FGF13: variants seen among roughly 807,000 people sequenced by gnomAD.
FGF13 encodes fibroblast growth factor 13.
FGF13 carries 2 observed loss-of-function variants against 19.5 expected under a neutral mutation model. The observed-to-expected ratio is 0.10, with a 90% CI of 0.04 to 0.32. The LOEUF (loss-of-function observed/expected upper bound fraction) is 0.32. Among genes scored for constraint, FGF13 ranks in the 10% least tolerant of loss-of-function variants. The pLI is 1.00. For synonymous variants in FGF13, 72 were observed against 76.9 expected (o/e 0.94, Z 0.33); for missense variants, 113 against 192.7 (o/e 0.59, Z 2.45).
chrX:138,656,661 T>C (rs1209017527), intron 3 of FGF13, among the ~76,000 whole-genome samples: 1 of 111,820 alleles, frequency 8.9e-6, no homozygotes, highest in African/African-American at 3.2e-5. Flanking sequence ...ACTAGAAGCA[T>C]ATGGGTTTAA....
At position 138,684,511 on chromosome X, in the gene FGF13, A is replaced by G. The variant is rs192042326; in HGVS notation, c.402+18473T>C. Among the ~76,000 whole-genome samples, 64 of 111,635 alleles carry G rather than the reference A, an allele frequency of 5.7e-4. No homozygotes were observed. In the East Asian group the frequency reaches 0.013, roughly 23 times the overall value. On this transcript the variant is annotated intron_variant, in intron 3 of 4. Transcript: ENST00000315930. ...AATATTGGTAAAATATTTACTTGGTATTTAGTAATGAATTTGGTATGGTGG... is the reference window on the plus strand; with the variant it reads ...AATATTGGTAAAATATTTACTTGGTGTTTAGTAATGAATTTGGTATGGTGG...
intron 3 of FGF13, among the ~76,000 whole-genome samples, chrX:138,810,120 G>A (rs2090909574): frequency 8.9e-6 from 1 of 111,805 alleles, no homozygotes; most frequent in African/African-American, 3.3e-5. Flanking sequence ...AGACAAAAAA[G>A]AGCCTGCATT....
chrX:139,122,224 G>T (rs759875327), intron 1 of FGF13, among the ~76,000 whole-genome samples: 1 of 112,103 alleles, frequency 8.9e-6, no homozygotes, highest in Admixed American at 9.5e-5. Flanking sequence ...GAAAATAAAA[G>T]ACAGGATTAA....
rs2089009109 is a variant in FGF13, at chrX:138,620,777, T to A, written c.*12073A>T. The A allele has an allele frequency of 9.0e-6, 1 of 110,805 alleles. No homozygotes were observed. Among genetic ancestry groups the A allele is most frequent in the Non-Finnish European group, 1.9e-5 (1 of 52,854 alleles). The allele number at this position is 110,805 out of a possible 1,213,427, so 9.1% of individuals were successfully genotyped here. On this transcript the variant is annotated 3_prime_UTR_variant, in exon 5 of 5. Coordinates refer to ENST00000315930, the MANE Select transcript of FGF13 (RefSeq NM_004114.5). ...TGCAAGGACACGTATAAACTGAAAG[T>A]GAAGAGATTAAAAAGATATTGCATG...
intron 1 of FGF13, among the ~76,000 whole-genome samples, chrX:138,732,502 G>A (rs943070824): frequency 9.0e-6 from 1 of 111,280 alleles, no homozygotes; most frequent in African/African-American, 3.3e-5. Flanking sequence ...AGCACAAAAT[G>A]TAATGCTTCC....
intron 1 of FGF13, among the ~76,000 whole-genome samples, chrX:138,969,911 GA>G (rs1173477262): frequency 8.9e-6 from 1 of 111,903 alleles, no homozygotes; most frequent in East Asian, 2.8e-4. Flanking sequence ...AGCTGTGCAT[GA>G]AAATGGCAAC....
chrX:139,101,563 T>G (rs1226965817), intron 1 of FGF13, among the ~76,000 whole-genome samples: 1 of 112,336 alleles, frequency 8.9e-6, no homozygotes, highest in Non-Finnish European at 1.9e-5. Flanking sequence ...ACTATCATAC[T>G]TGGAAAATAA....
At chrX:138,968,387 G>A (rs184629990) in intron 1 of FGF13, among the ~76,000 whole-genome samples, 5 of 111,920 alleles carry the variant, frequency 4.5e-5, no homozygotes, top group African/African-American at 1.6e-4. Flanking sequence ...TCCAAACCAA[G>A]GAGAAATGAA....
intron 1 of FGF13, among the ~76,000 whole-genome samples, chrX:139,026,124 T>C (rs2092199836): frequency 1.8e-5 from 2 of 111,267 alleles, no homozygotes; most frequent in Non-Finnish European, 3.8e-5. Flanking sequence ...ACCACTTCAC[T>C]GGTGAAATGT....
At chrX:139,057,104 G>C (rs1455206917) in intron 1 of FGF13, among the ~76,000 whole-genome samples, 2 of 111,384 alleles carry the variant, frequency 1.8e-5, no homozygotes, top group African/African-American at 6.5e-5. Context: ...GACCTCTAAT[G>C]CCCTCCCAGA....
At chrX:139,045,203 G>A (rs2092283183) in intron 1 of FGF13, among the ~76,000 whole-genome samples, 1 of 112,041 alleles carries the variant, frequency 8.9e-6, no homozygotes, top group South Asian at 3.7e-4. Context: ...ACTGTACCTG[G>A]GCCCCTTTGA....
At chrX:139,146,426 T>G (rs1252466827) in intron 1 of FGF13, among the ~76,000 whole-genome samples, 2 of 112,001 alleles carry the variant, frequency 1.8e-5, no homozygotes, top group African/African-American at 6.5e-5. Flanking sequence ...TGAGATACCA[T>G]CTCACACCAG....
chrX:138,815,427 C>A (rs995401224), intron 3 of FGF13, among the ~76,000 whole-genome samples: 2 of 110,310 alleles, frequency 1.8e-5, no homozygotes, highest in Non-Finnish European at 3.8e-5. Flanking sequence ...AAATGTCACA[C>A]CGTACATTGT....
intron 1 of FGF13, among the ~76,000 whole-genome samples, chrX:138,892,002 A>ATATATGTGTGTGTGTGTGTGTGTGTGTG (rs756839627): frequency 4.5e-4 from 41 of 90,382 alleles, no homozygotes; most frequent in African/African-American, 1.7e-3. Flanking sequence ...ATATATACAT[A>ATATATGTGTGTGTGTGTGTGTGTGTGTG]TGTGTGTGTG....
At chrX:138,709,648 CTTAA>C (rs768989729) in intron 1 of FGF13, among the ~76,000 whole-genome samples, 11 of 111,941 alleles carry the variant, frequency 9.8e-5, no homozygotes, top group Admixed American at 2.8e-4. Flanking sequence ...AATATGAGTT[CTTAA>C]TTAAAATGAT....
rs2090046891 is a variant in FGF13, at chrX:138,711,391, T to C, written c.-388A>G. The C allele has an allele frequency of 6.8e-6, 3 of 440,731 alleles. No homozygotes were observed. Among genetic ancestry groups the C allele is most frequent in the Non-Finnish European group, 7.5e-6 (3 of 399,552 alleles). The allele number at this position is 440,731 out of a possible 1,213,427, so 36.3% of individuals were successfully genotyped here. A position where few individuals can be genotyped will look rare whatever the true frequency, so the allele number is the denominator to read the frequency against. On this transcript the variant is annotated 5_prime_UTR_variant, in exon 1 of 5. Coordinates refer to ENST00000315930, the MANE Select transcript of FGF13 (RefSeq NM_004114.5). ...CGAATTTCGCCGGACCCCCTCGCCC[T>C]GTTGCCCTTCTGATGGGGGCCAGAG...
At chrX:139,110,687 G>C (rs1054617948) in intron 1 of FGF13, among the ~76,000 whole-genome samples, 11 of 112,113 alleles carry the variant, frequency 9.8e-5, no homozygotes, top group Admixed American at 1.9e-4. Flanking sequence ...CAAGAGTAAG[G>C]CAAAGATTAT....
At position 138,615,089 on chromosome X, in the gene FGF13, C is replaced by T. The variant is rs186572039; in HGVS notation, c.*17761G>A. ...ATAGCACAAGGGATCTTAGTGGTGACGGAACAGTTCCATATCTTGATCATT... is the reference window on the plus strand; with the variant it reads ...ATAGCACAAGGGATCTTAGTGGTGATGGAACAGTTCCATATCTTGATCATT... On this transcript the variant is annotated 3_prime_UTR_variant, in exon 5 of 5. Transcript: ENST00000315930. 90 of 111,681 alleles carry T rather than the reference C, an allele frequency of 8.1e-4. No homozygotes were observed. The highest frequency in any genetic ancestry group is 2.4e-3 in the African/African-American group (74 of 30,734). The allele number at this position is 111,681 out of a possible 1,213,427, so 9.2% of individuals were successfully genotyped here.
chrX:138,731,440 T>A (rs1313059817), intron 1 of FGF13, among the ~76,000 whole-genome samples: 2 of 105,717 alleles, frequency 1.9e-5, no homozygotes, highest in African/African-American at 3.4e-5. Flanking sequence ...TCTAAATAAG[T>A]CATGAGTAAA....
Sources: gnomAD v4.1 joint callset for allele counts (sites outside exome capture counted in the v4.1 genomes callset) on GRCh38, gnomAD v4.1.1 for gene constraint, MANE v1.5 for transcripts, NCBI Gene and HGNC (gene_info 2026-07-23, HGNC 2026-07-21) for gene names.